SMARCA2: variants seen among roughly 807,000 people sequenced by gnomAD.
The protein encoded by SMARCA2 is SWI/SNF related BAF chromatin remodeling complex subunit ATPase 2, also known as SWI/SNF-related matrix-associated actin-dependent regulator of chromatin subfamily A member 2.
A neutral mutation model predicts 199.8 loss-of-function variants in SMARCA2; 61 were observed. That is an observed-to-expected ratio of 0.31 (90% CI 0.25 to 0.38). The LOEUF (loss-of-function observed/expected upper bound fraction) is 0.38. Among genes scored for constraint, SMARCA2 ranks in the 10% least tolerant of loss-of-function variants. SMARCA2 has a pLI of 1.00. For missense variants in SMARCA2, 1,344 were observed against 2,012.2 expected (o/e 0.67, Z 6.35); for synonymous variants, 935 against 732.0 (o/e 1.28, Z -4.48).
rs372774709 is a variant in SMARCA2 at position 2,129,164 on chromosome 9, A to C, written c.3981+5227A>C. The stretch of plus-strand genomic sequence containing the variant: ...CCAGGCACTGTGGCTCATGCCTGTA[A>C]TCCCAGCAGTTTGGGAGGGCGAGGC... On this transcript the variant is annotated intron_variant, in intron 27 of 33. Transcript: ENST00000349721. 3.3e-5 allele frequency among the ~76,000 whole-genome samples: 5 copies of C among 152,328 alleles called. No homozygotes were observed. In the East Asian group the frequency reaches 9.7e-4, roughly 29 times the overall value.
intron 28 of SMARCA2, among the ~76,000 whole-genome samples, chr9:2,162,530 A>T (rs1420116430): frequency 6.6e-6 from 1 of 152,208 alleles, no homozygotes; most frequent in Non-Finnish European, 1.5e-5. Flanking sequence ...AATTATTTGA[A>T]AACCAAAGAC....
intron 32 of SMARCA2, among the ~76,000 whole-genome samples, chr9:2,187,090 G>C (rs1227351038): frequency 1.3e-5 from 2 of 152,112 alleles, no homozygotes; most frequent in Non-Finnish European, 2.9e-5. Context: ...TTGTCAAACT[G>C]AGTTGGAACT....
rs78890392 is a variant in SMARCA2 at position 2,058,512 on chromosome 9, G to A, written c.1521+48G>A. On this transcript the variant is annotated intron_variant, in intron 8 of 33. Transcript: ENST00000349721. ...CCAGGAAACTACTCAACCCACGTCC[G>A]TCTGCAATGAGACCATTAAATATGG... is the stretch of plus-strand genomic sequence containing the variant. 1.5e-3 allele frequency: 2,261 copies of A among 1,485,684 alleles called. 40 individuals are homozygous for A. In the African/African-American group the frequency reaches 0.028, roughly 18 times the overall value. 92.0% of individuals were successfully genotyped at this position (1,485,684 alleles called of 1,614,324 possible).
chr9:2,155,321 T>C (rs892724234), intron 27 of SMARCA2, among the ~76,000 whole-genome samples: 2 of 152,120 alleles, frequency 1.3e-5, no homozygotes, highest in Admixed American at 6.5e-5. Context: ...CTTGCTCTGT[T>C]GCCCAGGCTG....
intron 14 of SMARCA2, among the ~76,000 whole-genome samples, chr9:2,078,310 A>G (rs1216318942): frequency 6.6e-6 from 1 of 151,994 alleles, no homozygotes; most frequent in Non-Finnish European, 1.5e-5. Context: ...TCTCTCTACT[A>G]AAAATACAAA....
intron 10 of SMARCA2, 36 bp from the exon 11 acceptor site, chr9:2,073,176 A>C: frequency 1.2e-6 from 2 of 1,613,044 alleles, no homozygotes; most frequent in Non-Finnish European, 1.7e-6. Flanking sequence ...GAAGGTCTTA[A>C]CATGAAACCG....
At chr9:2,107,933 C>T (rs1172469334) in intron 23 of SMARCA2, among the ~76,000 whole-genome samples, 2 of 152,136 alleles carry the variant, frequency 1.3e-5, no homozygotes, top group East Asian at 1.9e-4. Flanking sequence ...TCAACTCTAC[C>T]TCCCTGAAGA....
intron 27 of SMARCA2, among the ~76,000 whole-genome samples, chr9:2,143,668 A>G (rs1480683937): frequency 6.6e-6 from 1 of 152,214 alleles, no homozygotes; most frequent in Non-Finnish European, 1.5e-5. Flanking sequence ...TGATCATTTT[A>G]AAGATTTCCA....
chr9:2,107,111 C>CA (rs1391471674), intron 23 of SMARCA2, among the ~76,000 whole-genome samples: 5 of 150,978 alleles, frequency 3.3e-5, no homozygotes, highest in African/African-American at 7.3e-5. Flanking sequence ...TTAAATTTAA[C>CA]AAAAAAAATT....
chr9:2,178,629 T>TA (rs34120561), intron 29 of SMARCA2, among the ~76,000 whole-genome samples: 13,435 of 151,762 alleles, frequency 0.089, 654 homozygotes, highest in East Asian at 0.2. Context: ...AAAGGTGTAT[T>TA]AAAAAAAAGC....
intron 25 of SMARCA2, among the ~76,000 whole-genome samples, chr9:2,117,258 C>A (rs1823253903): frequency 6.6e-6 from 1 of 151,856 alleles, no homozygotes; most frequent in African/African-American, 2.4e-5. Context: ...CTGAAATGAA[C>A]CCATTTGCAA....
intron 31 of SMARCA2, among the ~76,000 whole-genome samples, chr9:2,182,488 T>C (rs1482417560): frequency 3.8e-4 from 35 of 92,456 alleles, no homozygotes; most frequent in African/African-American, 2.9e-3. Flanking sequence ...CTTTTTTTTT[T>C]TTTTTTTTTT....
chr9:2,051,719 A>G (rs1820127070), intron 5 of SMARCA2, among the ~76,000 whole-genome samples: 1 of 152,234 alleles, frequency 6.6e-6, no homozygotes, highest in South Asian at 2.1e-4. Flanking sequence ...AGAACCAAGG[A>G]TGCGGAATAA....
In SMARCA2 at chr9:2,115,708, C is replaced by G; in HGVS notation, c.3457-114C>G. On this transcript the variant is annotated intron_variant, in intron 24 of 33. Coordinates refer to ENST00000349721, the MANE Select transcript of SMARCA2 (RefSeq NM_003070.5). The surrounding 1 kb of genome is among the most constrained non-coding windows in gnomAD (Gnocchi z 6.0). ...TTTTTAAAATGTAGGCAAAATCTTA[C>G]CTTAGTGAAGGTGAAATACAGAACC... The G allele has an allele frequency of 2.6e-6, 2 of 776,542 alleles. No homozygotes were observed. Among genetic ancestry groups the G allele is most frequent in the Non-Finnish European group, 4.2e-6 (2 of 478,370 alleles). The allele number at this position is 776,542 out of a possible 1,614,324, so 48.1% of individuals were successfully genotyped here.
chr9:2,190,535 A>G (rs910120101), intron 32 of SMARCA2, among the ~76,000 whole-genome samples: 23 of 152,374 alleles, frequency 1.5e-4, no homozygotes, highest in Non-Finnish European at 1.6e-4. Flanking sequence ...TCCCTTTGGG[A>G]TAACTACATA....
At chr9:2,021,955 G>A (rs1331267858) in intron 1 of SMARCA2, 2 of 148,480 alleles carry the variant, frequency 1.3e-5, no homozygotes, top group Non-Finnish European at 2.9e-5. Context: ...TCAGAAGAAA[G>A]CCCCGAGATC....
intron 22 of SMARCA2, among the ~76,000 whole-genome samples, chr9:2,103,474 A>G (rs902676069): frequency 6.6e-6 from 1 of 152,238 alleles, no homozygotes; most frequent in Admixed American, 6.5e-5. Context: ...TAGTAAAATG[A>G]GACTCTGTTT....
At chr9:2,108,417 C>A (rs1344695350) in intron 23 of SMARCA2, among the ~76,000 whole-genome samples, 1 of 152,186 alleles carries the variant, frequency 6.6e-6, no homozygotes, top group African/African-American at 2.4e-5. Flanking sequence ...GCAGGGCAGG[C>A]AGACCTGATG....
intron 23 of SMARCA2, among the ~76,000 whole-genome samples, chr9:2,106,592 C>T (rs192868534): frequency 3.0e-4 from 45 of 152,208 alleles, no homozygotes; most frequent in Admixed American, 7.2e-4. Context: ...CAGCTGAACC[C>T]CCTTCTGTCC....
Sources: gnomAD v4.1 joint callset for allele counts (sites outside exome capture counted in the v4.1 genomes callset) on GRCh38, gnomAD v4.1.1 for gene constraint, Gnocchi (gnomAD v3.1) non-coding constraint, MANE v1.5 for transcripts, NCBI Gene and HGNC (gene_info 2026-07-23, HGNC 2026-07-21) for gene names.